Variants in CHRNA7 observed in about 807,000 individuals in gnomAD.
CHRNA7 encodes cholinergic receptor nicotinic alpha 7 subunit.
In CHRNA7, 17 loss-of-function variants were observed where a neutral mutation model predicts 48.0. The ratio of observed to expected loss-of-function variants is 0.35; its 90% CI spans 0.24 to 0.53. The LOEUF is 0.53. Among genes scored for constraint, CHRNA7 ranks in the 20% least tolerant of loss-of-function variants. The probability of loss-of-function intolerance (pLI) is 0.92; values close to 1 mark genes in which losing one functional copy is unlikely to be tolerated. For synonymous variants in CHRNA7, 75 were observed against 242.3 expected, an observed-to-expected ratio of 0.31 and a Z score of 6.41; for missense variants, 155 against 577.7, an observed-to-expected ratio of 0.27 and a Z score of 7.50.
chr15:32,105,523 AAGAG>A (rs2050654556), intron 3 of CHRNA7, among the ~76,000 whole-genome samples: 3 of 151,180 alleles, frequency 2.0e-5, no homozygotes, highest in African/African-American at 7.3e-5. Context: ...GGAGGAGGAA[AAGAG>A]GAGGAGGAGG....
chr15:32,048,519 C>G (rs1021175062), intron 2 of CHRNA7, among the ~76,000 whole-genome samples: 12 of 151,984 alleles, frequency 7.9e-5, no homozygotes, highest in African/African-American at 2.9e-4. Flanking sequence ...GGTCATATCC[C>G]CTTTATCATT....
chr15:32,090,908 C>T (rs1025272520), intron 2 of CHRNA7, among the ~76,000 whole-genome samples: 5 of 152,138 alleles, frequency 3.3e-5, no homozygotes, highest in African/African-American at 1.2e-4. Flanking sequence ...GTCTTTCAAG[C>T]ATTCGCATTT....
intron 4 of CHRNA7, among the ~76,000 whole-genome samples, chr15:32,147,620 C>A (rs1595501393): frequency 6.6e-6 from 1 of 152,044 alleles, no homozygotes; most frequent in Non-Finnish European, 1.5e-5. Context: ...AGGAAATATT[C>A]TTGAATGCAT....
intron 2 of CHRNA7, among the ~76,000 whole-genome samples, chr15:32,089,905 T>C (rs2050356031): frequency 6.6e-6 from 1 of 152,212 alleles, no homozygotes; most frequent in African/African-American, 2.4e-5. Flanking sequence ...GTTCTTCTAG[T>C]GTTCCTGTTT....
chr15:32,164,913 T>A (rs1196410798), intron 9 of CHRNA7, among the ~76,000 whole-genome samples: 15 of 15,958 alleles, frequency 9.4e-4, no homozygotes, highest in Admixed American at 2.4e-3. Context: ...CTCCATCTCC[T>A]AAAAAAAAAA....
chr15:32,078,633 A>T (rs2141228841), intron 2 of CHRNA7, among the ~76,000 whole-genome samples: 1 of 146,790 alleles, frequency 6.8e-6, no homozygotes, highest in Non-Finnish European at 1.5e-5. Flanking sequence ...CAAGTTCTGA[A>T]ATTGAGGCAG....
At chr15:32,057,609 CT>C (rs1425524900) in intron 2 of CHRNA7, among the ~76,000 whole-genome samples, 1 of 152,152 alleles carries the variant, frequency 6.6e-6, no homozygotes, top group Admixed American at 6.6e-5. Flanking sequence ...CATTTAAAAA[CT>C]TTCTTGCAGA....
At chr15:32,075,867 A>G (rs1368646058) in intron 2 of CHRNA7, among the ~76,000 whole-genome samples, 2 of 151,450 alleles carry the variant, frequency 1.3e-5, no homozygotes, top group Admixed American at 6.6e-5. Flanking sequence ...CTTGCTTTCT[A>G]TCTCACAAAT....
chr15:32,118,690 C>T (rs933527849), intron 4 of CHRNA7, among the ~76,000 whole-genome samples: 1 of 152,160 alleles, frequency 6.6e-6, no homozygotes, highest in African/African-American at 2.4e-5. Context: ...TCAGCATAAT[C>T]ACACACTGTT....
At chr15:32,096,110 T>A (rs907407460) in intron 2 of CHRNA7, among the ~76,000 whole-genome samples, 1 of 152,216 alleles carries the variant, frequency 6.6e-6, no homozygotes. Context: ...TCTCCCATAA[T>A]CTCCATTATT....
rs545011481 is a variant in CHRNA7, at chr15:32,104,257, G to A, written c.240+2910G>A. On this transcript the variant is annotated intron_variant, in intron 3 of 9. Transcript: ENST00000306901. ...TGTCCACTTGTTGGGTGACACACAC[G>A]TCACCCGAGCCCGTGCCCCCCCCTC... Among the ~76,000 whole-genome samples the A allele has an allele frequency of 9.2e-5, 14 of 151,706 alleles. No individual in the cohort carries two copies. The South Asian group carries it at 2.5e-3, about 27-fold the overall frequency.
intron 4 of CHRNA7, among the ~76,000 whole-genome samples, chr15:32,139,997 T>A (rs2051348171): frequency 6.6e-6 from 1 of 152,162 alleles, no homozygotes; most frequent in Non-Finnish European, 1.5e-5. Flanking sequence ...TAGGTGTACA[T>A]GTGCCATGTT....
chr15:32,065,619 C>G (rs889570940), intron 2 of CHRNA7, among the ~76,000 whole-genome samples: 1 of 152,286 alleles, frequency 6.6e-6, no homozygotes, highest in African/African-American at 2.4e-5. Context: ...TGCACATGCT[C>G]AGGAAAAATC....
At chr15:32,050,722 CT>C (rs1381771063) in intron 2 of CHRNA7, among the ~76,000 whole-genome samples, 1 of 151,870 alleles carries the variant, frequency 6.6e-6, no homozygotes, top group Non-Finnish European at 1.5e-5. Flanking sequence ...GAGAGTCACT[CT>C]GCTTTTTAGA....
At chr15:32,040,903 T>A (rs2049436734) in intron 2 of CHRNA7, among the ~76,000 whole-genome samples, 1 of 152,068 alleles carries the variant, frequency 6.6e-6, no homozygotes, top group South Asian at 2.1e-4. Context: ...AATGTATTTT[T>A]TTTCCTTATC....
At chr15:32,139,034 G>T (rs796946595) in intron 4 of CHRNA7, among the ~76,000 whole-genome samples, 13 of 152,282 alleles carry the variant, frequency 8.5e-5, no homozygotes, top group African/African-American at 3.1e-4. Flanking sequence ...GATTACAGGC[G>T]TGAGCCACTG....
intron 2 of CHRNA7, among the ~76,000 whole-genome samples, chr15:32,038,051 G>GATGTGTAT (rs2049380232): frequency 2.6e-5 from 1 of 39,024 alleles, no homozygotes; most frequent in African/African-American, 6.0e-5. Context: ...AGGTTTTTTG[G>GATGTGTAT]ATATGTATAT....
At chr15:32,048,184 A>G (rs2049590532) in intron 2 of CHRNA7, among the ~76,000 whole-genome samples, 1 of 152,186 alleles carries the variant, frequency 6.6e-6, no homozygotes, top group African/African-American at 2.4e-5. Flanking sequence ...TGCTGGCCTC[A>G]TGAAATGAGT....
chr15:32,036,451 G>A (rs114358487), intron 2 of CHRNA7, among the ~76,000 whole-genome samples: 2,179 of 152,250 alleles, frequency 0.014, 53 homozygotes, highest in African/African-American at 0.05. Flanking sequence ...AAATACCAAC[G>A]AGGGCACTTG....
Sources: gnomAD v4.1 joint callset for allele counts (sites outside exome capture counted in the v4.1 genomes callset) on GRCh38, gnomAD v4.1.1 for gene constraint, MANE v1.5 for transcripts, NCBI Gene and HGNC (gene_info 2026-07-23, HGNC 2026-07-21) for gene names.